The following TFPT variants were observed in gnomAD, a reference collection of about 807,000 sequenced individuals.
TFPT encodes TCF3 fusion partner, also known as INO80 complex subunit F.
A neutral mutation model predicts 28.8 loss-of-function variants in TFPT; 27 were observed. The ratio of observed to expected loss-of-function variants is 0.94; its 90% CI spans 0.69 to 1.29. The LOEUF (loss-of-function observed/expected upper bound fraction) is 1.29. Ranked by LOEUF, TFPT falls within the 50% of genes most tolerant of loss-of-function variation. The probability of loss-of-function intolerance (pLI) is 0.00; values close to 1 mark genes in which losing one functional copy is unlikely to be tolerated. For synonymous variants in TFPT, 152 were observed against 142.8 expected, an observed-to-expected ratio of 1.06 and a Z score of -0.46; for missense variants, 330 against 338.0, an observed-to-expected ratio of 0.98 and a Z score of 0.19.
Position 54,110,116 on chromosome 19 carries a change from G to A in TFPT, c.288C>T (p.Asn96=), listed in dbSNP as rs1051140983. 6.2e-6 allele frequency: 10 copies of A among 1,613,996 alleles called. No homozygotes were observed. Among genetic ancestry groups the A allele is most frequent in the Admixed American group, 3.3e-5 (2 of 59,990 alleles). The change falls in exon 3 of 6, where the codon AAC becomes AAT. Residue 96 remains asparagine, a synonymous_variant. Coordinates refer to ENST00000391759, the MANE Select transcript of TFPT (RefSeq NM_013342.4). ...GRRCREIEQV[N]ERVLNRLHQV... ...GATGGAGCCTGTTCAGGACCCGCTC[G>A]TTCACCTATGGGGTGGGAAACGCCC...
At position 54,114,589 on chromosome 19, in the gene TFPT, C is replaced by A. The variant is rs778531435; in HGVS notation, c.135G>T (p.Val45=). The A allele has an allele frequency of 2.5e-6, 4 of 1,614,120 alleles. No homozygotes were observed. The highest frequency in any genetic ancestry group is 3.4e-6 in the Non-Finnish European group (4 of 1,180,020). ...HILESELETE[V]EFVSGGLGGS... Reference sequence around the variant, plus strand: ...CGCCCAGACCACCTGACACAAACTCCACTTCCGTCTCCAGCTCGCTCTCCA... The same window carrying A: ...CGCCCAGACCACCTGACACAAACTCAACTTCCGTCTCCAGCTCGCTCTCCA... The change falls in exon 2 of 6, where the codon GTG becomes GTT. Residue 45 remains valine (V), a synonymous_variant. Coordinates refer to ENST00000391759, the MANE Select transcript of TFPT (RefSeq NM_013342.4).
Position 54,114,574 on chromosome 19 carries a change from A to C in TFPT, c.150T>G (p.Gly50=), listed in dbSNP as rs587637324. ...ELETEVEFVS[G]GLGGSGLRER... ...CCCGGAGCCCTGAGCCGCCCAGACC[A>C]CCTGACACAAACTCCACTTCCGTCT... The change falls in exon 2 of 6, where the codon GGT becomes GGG. Residue 50 remains glycine (G), a synonymous_variant. Coordinates refer to ENST00000391759, the MANE Select transcript of TFPT (RefSeq NM_013342.4). 8.1e-6 allele frequency: 13 copies of C among 1,613,796 alleles called. No homozygotes were observed. The highest frequency in any genetic ancestry group is 8.5e-6 in the Non-Finnish European group (10 of 1,179,996).
rs1335498972 is a variant in TFPT, at chr19:54,107,036, T to G, written c.*14A>C. ...TGGCCGGGGTGAGTGTGGGGTCAGT[T>G]TATTGGGCATGCGTCAGTCAGAGGC... On this transcript the variant is annotated 3_prime_UTR_variant, in exon 6 of 6. Coordinates refer to ENST00000391759, the MANE Select transcript of TFPT (RefSeq NM_013342.4). 1 of 1,612,434 alleles carries G rather than the reference T, an allele frequency of 6.2e-7. No homozygotes were observed. Among genetic ancestry groups the G allele is most frequent in the Admixed American group, 1.7e-5 (1 of 59,626 alleles).
rs1428415450 is a variant in TFPT at position 54,110,067 on chromosome 19, G to GCCT, written c.334_336dup (p.Arg112dup). ...AGGGGTTACCTCCGTTCCTGCTGCAGCCTCCGAGTTATCCTCTGCACCTGA... is the reference window on the plus strand; with the variant it reads ...AGGGGTTACCTCCGTTCCTGCTGCAGCCTCCTCCGAGTTATCCTCTGCACCTGA... On this transcript the variant is annotated inframe_insertion, in exon 3 of 6. Coordinates refer to ENST00000391759, the MANE Select transcript of TFPT (RefSeq NM_013342.4). 1.2e-6 allele frequency: 2 copies of GCCT among 1,614,068 alleles called. No individual in the cohort carries two copies. Among genetic ancestry groups the GCCT allele is most frequent in the African/African-American group, 2.7e-5 (2 of 74,930 alleles).
rs1366508013 is a variant in TFPT, at chr19:54,115,387, G to T, written c.-118C>A. ...TCAGCAGCCGAGGACGGCGGGACGT[G>T]GCCCTAGGCCTTGTGGGAGTTGTAG... On this transcript the variant is annotated 5_prime_UTR_variant, in exon 1 of 6. Transcript: ENST00000391759. 1.4e-5 allele frequency: 20 copies of T among 1,449,290 alleles called. No homozygotes were observed. The highest frequency in any genetic ancestry group is 1.5e-5 in the Non-Finnish European group (16 of 1,042,290). 89.8% of individuals were successfully genotyped at this position (1,449,290 alleles called of 1,614,324 possible). A position where few individuals can be genotyped will look rare whatever the true frequency, so the allele number is the denominator to read the frequency against.
At chr19:54,112,402 T>A (rs778157996) in intron 2 of TFPT, among the ~76,000 whole-genome samples, 4 of 152,220 alleles carry the variant, frequency 2.6e-5, no homozygotes, top group South Asian at 2.1e-4. Context: ...TCCAGTTGAG[T>A]CCGTTTGGGC....
chr19:54,108,003 C>A (rs1568563909), intron 5 of TFPT, 23 bp downstream of exon 5: 1 of 1,515,134 alleles, frequency 6.6e-7, no homozygotes, highest in East Asian at 2.3e-5. Flanking sequence ...CAGTCCCTCC[C>A]CTTGAGTTCC....
rs1381615161 is a variant in TFPT, at chr19:54,110,179, CG to C, written c.283-59del. 7 of 1,592,464 alleles carry C rather than the reference CG, an allele frequency of 4.4e-6. No homozygotes were observed. In the African/African-American group the frequency reaches 5.4e-5, roughly 12 times the overall value. On this transcript the variant is annotated intron_variant, in intron 2 of 5. Coordinates refer to ENST00000391759, the MANE Select transcript of TFPT (RefSeq NM_013342.4). ...CCACGGCTCCCGTTCATTTGTTTAA[CG>C]GATGTTTAATGGGGCACGCACTAAA...
intron 1 of TFPT, 105 bp downstream of exon 1, chr19:54,115,142 T>G (rs933633124): frequency 2.6e-6 from 4 of 1,552,532 alleles, no homozygotes; most frequent in Admixed American, 1.7e-5. Context: ...TTGCATGAAC[T>G]ACAACCCCCA....
chr19:54,110,034 G>C lies in TFPT; in HGVS notation c.353+17C>G. 6.2e-7 allele frequency: 1 copy of C among 1,613,088 alleles called. No homozygotes were observed. Among genetic ancestry groups the C allele is most frequent in the South Asian group, 1.1e-5 (1 of 91,064 alleles). ...AGCTGAGGCTCACAGGCCCAGAGGG[G>C]ACAGAGAAGGGGTTACCTCCGTTCC... On this transcript the variant is annotated intron_variant, in intron 3 of 5. Transcript: ENST00000391759.
At chr19:54,113,617 A>G (rs2073518331) in intron 2 of TFPT, among the ~76,000 whole-genome samples, 1 of 152,118 alleles carries the variant, frequency 6.6e-6, no homozygotes, top group Non-Finnish European at 1.5e-5. Flanking sequence ...CAAGGAAAAA[A>G]AAATATCCAG....
intron 2 of TFPT, among the ~76,000 whole-genome samples, chr19:54,111,996 A>G (rs1252593350): frequency 6.6e-6 from 1 of 151,758 alleles, no homozygotes; most frequent in Non-Finnish European, 1.5e-5. Flanking sequence ...AAAGAGTTCA[A>G]GTTTTGGCTC....
At chr19:54,110,243 G>A (rs2073415912) in intron 2 of TFPT, 122 bp from the exon 3 acceptor site, 3 of 1,022,844 alleles carry the variant, frequency 2.9e-6, no homozygotes, top group Non-Finnish European at 4.5e-6. Flanking sequence ...GTGGCCTGAG[G>A]TCCTTCCACC....
At chr19:54,108,568 A>C (rs587679691) in intron 3 of TFPT, 173 bp from the exon 4 acceptor site, 1 of 1,595,636 alleles carries the variant, frequency 6.3e-7, no homozygotes, top group South Asian at 1.1e-5. Context: ...ACCAGCCTTG[A>C]GACCTCGAGC....
In TFPT at chr19:54,110,088, C is replaced by T. The variant is rs772441947; in HGVS notation, c.316G>A (p.Val106Met). Reference sequence around the variant, plus strand: ...TGCAGCCTCCGAGTTATCCTCTGCACCTGATGGAGCCTGTTCAGGACCCGC... The same window carrying T: ...TGCAGCCTCCGAGTTATCCTCTGCATCTGATGGAGCCTGTTCAGGACCCGC... The part of the protein sequence containing the change: ...NERVLNRLHQ[V>M]QRITRRLQQE... The change falls in exon 3 of 6, where the codon GTG (valine) becomes ATG (methionine). Residue 106 changes from valine to methionine, a missense_variant. Val to Met is a conservative substitution (Grantham distance 21, BLOSUM62 1). Transcript: ENST00000391759. 6.2e-7 allele frequency: 1 copy of T among 1,614,154 alleles called. No homozygotes were observed.
intron 4 of TFPT, 38 bp downstream of exon 4, chr19:54,108,288 C>T (rs764714626): frequency 7.2e-5 from 113 of 1,577,920 alleles, no homozygotes; most frequent in Non-Finnish European, 9.3e-5. Flanking sequence ...GGGTCCTGAG[C>T]TCCCAGTTCC....
In TFPT at chr19:54,108,800, T is replaced by C. The variant is rs1027844566; in HGVS notation, c.354-405A>G. 5 of 565,684 alleles carry C rather than the reference T, an allele frequency of 8.8e-6. No homozygotes were observed. The South Asian group carries it at 1.2e-4, about 13-fold the overall frequency. 35.0% of individuals were successfully genotyped at this position (565,684 alleles called of 1,614,324 possible). Reference sequence around the variant, plus strand: ...CTCCTCCTAATGACCTCACCTCTTATAAACACCCCCTTCTCTTTTTTCCCC... The same window carrying C: ...CTCCTCCTAATGACCTCACCTCTTACAAACACCCCCTTCTCTTTTTTCCCC... On this transcript the variant is annotated intron_variant, in intron 3 of 5. Transcript: ENST00000391759.
Position 54,115,390 on chromosome 19 carries a change from C to A in TFPT, c.-121G>T, listed in dbSNP as rs2073596578. Reference sequence around the variant, plus strand: ...GCAGCCGAGGACGGCGGGACGTGGCCCTAGGCCTTGTGGGAGTTGTAGTTT... The same window carrying A: ...GCAGCCGAGGACGGCGGGACGTGGCACTAGGCCTTGTGGGAGTTGTAGTTT... On this transcript the variant is annotated 5_prime_UTR_variant, in exon 1 of 6. Coordinates refer to ENST00000391759, the MANE Select transcript of TFPT (RefSeq NM_013342.4). 1.4e-6 allele frequency: 2 copies of A among 1,444,034 alleles called. No homozygotes were observed. The highest frequency in any genetic ancestry group is 1.7e-4 in the Middle Eastern group (1 of 5,718). The allele number at this position is 1,444,034 out of a possible 1,614,324, so 89.5% of individuals were successfully genotyped here.
chr19:54,107,028 G>C lies in TFPT; in HGVS notation c.*22C>G. ...GTAGACGGTGGCCGGGGTGAGTGTG[G>C]GGTCAGTTTATTGGGCATGCGTCAG... On this transcript the variant is annotated 3_prime_UTR_variant, in exon 6 of 6. Coordinates refer to ENST00000391759, the MANE Select transcript of TFPT (RefSeq NM_013342.4). 2 of 1,611,744 alleles carry C rather than the reference G, an allele frequency of 1.2e-6. No homozygotes were observed. The highest frequency in any genetic ancestry group is 1.7e-6 in the Non-Finnish European group (2 of 1,178,746).
Sources: gnomAD v4.1 joint callset for allele counts (sites outside exome capture counted in the v4.1 genomes callset) on GRCh38, gnomAD v4.1.1 for gene constraint, MANE v1.5 for transcripts, NCBI Gene and HGNC (gene_info 2026-07-23, HGNC 2026-07-21) for gene names.